The following DMD variants were observed in gnomAD, a reference collection of about 807,000 sequenced individuals.
DMD encodes the protein mutant dystrophin.
DMD carries 63 observed loss-of-function variants against 330.1 expected under a neutral mutation model. That is an observed-to-expected ratio of 0.19 (90% confidence interval 0.16 to 0.24). The LOEUF (loss-of-function observed/expected upper bound fraction) is 0.24, where lower values mean the gene tolerates loss of function less well. Ranked by LOEUF, DMD falls within the 10% of genes least tolerant of loss-of-function variation. DMD has a pLI of 1.00. For synonymous variants in DMD, 1,223 were observed against 959.8 expected (o/e 1.27, Z -5.07); for missense variants, 3,344 against 2,684.1 (o/e 1.25, Z -5.43).
intron 41 of DMD, among the ~76,000 whole-genome samples, chrX:32,324,159 C>T (rs1209339316): frequency 9.0e-6 from 1 of 111,214 alleles, no homozygotes; most frequent in African/African-American, 3.3e-5. Flanking sequence ...CTATTTCCAA[C>T]ACATATAAAT....
intron 9 of DMD, among the ~76,000 whole-genome samples, chrX:32,648,583 T>A (rs900247146): frequency 8.9e-6 from 1 of 111,926 alleles, no homozygotes; most frequent in South Asian, 3.7e-4. Flanking sequence ...TAAGGTGAGA[T>A]TAAACTTTTT....
chrX:32,211,553 A>G (rs973425412), intron 44 of DMD, among the ~76,000 whole-genome samples: 1 of 111,768 alleles, frequency 8.9e-6, no homozygotes, highest in Admixed American at 9.5e-5. Context: ...ACAAGACTAT[A>G]TTTTTTCCCT....
chrX:31,930,012 C>A (rs1242608795), intron 46 of DMD, among the ~76,000 whole-genome samples: 1 of 111,189 alleles, frequency 9.0e-6, no homozygotes, highest in Non-Finnish European at 1.9e-5. Flanking sequence ...GGTAAAGCAA[C>A]ACTCCAAATA....
At chrX:31,552,222 G>A (rs2074531403) in intron 55 of DMD, among the ~76,000 whole-genome samples, 1 of 111,901 alleles carries the variant, frequency 8.9e-6, no homozygotes, top group African/African-American at 3.2e-5. Flanking sequence ...GCCCAAGCTG[G>A]AGTGCAGTGG....
Position 31,510,656 on chromosome X carries a change from C to T in DMD, c.8218-3203G>A, listed in dbSNP as rs377184954. The stretch of plus-strand genomic sequence containing the variant: ...CCAAGTAGCTGGGACTATAGGCGCC[C>T]GCCACCACGCCTGGCTAATTTTTTT... On this transcript the variant is annotated intron_variant, in intron 55 of 78. Transcript: ENST00000357033. 1.1e-3 allele frequency among the ~76,000 whole-genome samples: 115 copies of T among 108,864 alleles called. No homozygotes were observed. The East Asian group carries it at 0.016, about 15-fold the overall frequency. The allele number at this position is 108,864 out of a possible 115,157, so 94.5% of individuals were successfully genotyped here.
chrX:32,916,258 C>T (rs1054501835), intron 2 of DMD, among the ~76,000 whole-genome samples: 2 of 111,437 alleles, frequency 1.8e-5, no homozygotes, highest in Admixed American at 1.9e-4. Context: ...TTTCTATTAA[C>T]ACAATTAAAA....
rs1156429292 is a variant in DMD, at chrX:32,885,677, G to A, written c.94-35857C>T. On this transcript the variant is annotated intron_variant, in intron 2 of 78. Coordinates refer to ENST00000357033, the MANE Select transcript of DMD (RefSeq NM_004006.3). ...TAAATAAAGAAACTTACAATGTGTT[G>A]AAATTTCCCTATTGGAGAATTATAA... Among the ~76,000 whole-genome samples the A allele has an allele frequency of 5.4e-5, 6 of 110,658 alleles. No individual in the cohort carries two copies. The East Asian group carries it at 1.7e-3, about 31-fold the overall frequency.
chrX:32,181,538 A>G (rs892294754), intron 44 of DMD, among the ~76,000 whole-genome samples: 19 of 111,841 alleles, frequency 1.7e-4, no homozygotes, highest in African/African-American at 5.5e-4. Context: ...ACCTGAATAT[A>G]GTTTTTTTAT....
rs398124085 is a variant in DMD at position 31,266,745 on chromosome X, C to T, written c.9225-5729G>A. ...AAGTTTTGACCGCCTCAGCTTGCCC[C>T]CTGCTCGCGCCACAAGTGCACGGAT... On this transcript the variant is annotated intron_variant, in intron 62 of 78. Transcript: ENST00000357033. The T allele has an allele frequency of 6.9e-4, 749 of 1,085,827 alleles. 5 individuals carry two copies. Among genetic ancestry groups the T allele is most frequent in the Middle Eastern group, 1.5e-3 (6 of 4,127 alleles). 89.5% of individuals were successfully genotyped at this position (1,085,827 alleles called of 1,213,427 possible).
rs1242251177 is a variant in DMD, at chrX:33,056,343, T to TTTTTTC, written c.32-36149_32-36144dup. Reference sequence around the variant, plus strand: ...AATTATCTGACCCCTGCGCTCTTTTTTTTTTCTTTTTCTTTTCTTTTTTCT... The same window carrying TTTTTTC: ...AATTATCTGACCCCTGCGCTCTTTTTTTTTTCTTTTTCTTTTTCTTTTCTTTTTTCT... On this transcript the variant is annotated intron_variant, in intron 1 of 78. Transcript: ENST00000357033. Among the ~76,000 whole-genome samples, 4 of 109,468 alleles carry TTTTTTC rather than the reference T, an allele frequency of 3.7e-5. No individual in the cohort carries two copies. In the East Asian group the frequency reaches 1.2e-3, roughly 32 times the overall value.
intron 9 of DMD, among the ~76,000 whole-genome samples, chrX:32,653,125 G>C (rs951121087): frequency 9.0e-6 from 1 of 111,698 alleles, no homozygotes; most frequent in Non-Finnish European, 1.9e-5. Context: ...TCACTATGAT[G>C]GTAGTTTCTT....
chrX:33,228,400 C>A (rs1465586225), intron 1 of DMD, among the ~76,000 whole-genome samples: 1 of 108,171 alleles, frequency 9.2e-6, no homozygotes, highest in Non-Finnish European at 1.9e-5. Context: ...TAAGGGTTTT[C>A]ATATTCTGAG....
chrX:31,321,728 T>C (rs890086939), intron 62 of DMD, among the ~76,000 whole-genome samples: 3 of 110,434 alleles, frequency 2.7e-5, no homozygotes, highest in Admixed American at 9.7e-5. Flanking sequence ...TATTCATAGA[T>C]CTGTGCCCTT....
rs1277825195 is a variant in DMD, at chrX:32,637,766, G to A, written c.1331+6366C>T. Reference sequence around the variant, plus strand: ...CCCTTATAAAACCATCAGATCTTGTGAGAACTCACTCACTATCATGAGAAC... The same window carrying A: ...CCCTTATAAAACCATCAGATCTTGTAAGAACTCACTCACTATCATGAGAAC... On this transcript the variant is annotated intron_variant, in intron 11 of 78. Coordinates refer to ENST00000357033, the MANE Select transcript of DMD (RefSeq NM_004006.3). Among the ~76,000 whole-genome samples the A allele has an allele frequency of 2.7e-5, 3 of 111,403 alleles. No individual in the cohort carries two copies. The South Asian group carries it at 1.1e-3, about 42-fold the overall frequency.
intron 2 of DMD, among the ~76,000 whole-genome samples, chrX:32,999,605 G>A (rs993614964): frequency 2.7e-5 from 3 of 110,305 alleles, no homozygotes; most frequent in Admixed American, 9.7e-5. Context: ...GTGAAACCCC[G>A]CCTCTACTAA....
intron 43 of DMD, among the ~76,000 whole-genome samples, chrX:32,259,895 G>C (rs1030890817): frequency 9.0e-6 from 1 of 111,387 alleles, no homozygotes; most frequent in Non-Finnish European, 1.9e-5. Context: ...CAGATGTTCA[G>C]AGGAGTTGGA....
chrX:31,833,046 T>C (rs749351516), intron 49 of DMD, among the ~76,000 whole-genome samples: 295 of 110,997 alleles, frequency 2.7e-3, no homozygotes, highest in Non-Finnish European at 4.7e-3. Context: ...AACTGCTAAA[T>C]GGGGTGCTAT....
chrX:32,642,237 T>C (rs2059514603), intron 11 of DMD, among the ~76,000 whole-genome samples: 1 of 112,232 alleles, frequency 8.9e-6, no homozygotes. Context: ...CTTTGTATAT[T>C]CATTTTTAAG....
intron 48 of DMD, among the ~76,000 whole-genome samples, chrX:31,873,821 T>C (rs2093928358): frequency 9.0e-6 from 1 of 111,713 alleles, no homozygotes; most frequent in Non-Finnish European, 1.9e-5. Context: ...ATTGGCAGGA[T>C]TGTCTGAAGC....
Sources: gnomAD v4.1 joint callset for allele counts (sites outside exome capture counted in the v4.1 genomes callset) on GRCh38, gnomAD v4.1.1 for gene constraint, MANE v1.5 for transcripts, NCBI Gene and HGNC (gene_info 2026-07-23, HGNC 2026-07-21) for gene names.